Variants in EGF observed in about 807,000 individuals in gnomAD.
The protein encoded by EGF is pro-epidermal growth factor.
EGF carries 95 observed loss-of-function variants against 143.8 expected under a neutral mutation model. The observed-to-expected ratio is 0.66, with a 90% CI of 0.56 to 0.78. The LOEUF (loss-of-function observed/expected upper bound fraction) is 0.78, where lower values mean the gene tolerates loss of function less well. Ranked by LOEUF, EGF falls within the 30% of genes least tolerant of loss-of-function variation. EGF has a pLI of 0.00. For synonymous variants in EGF, 510 were observed against 510.5 expected, an observed-to-expected ratio of 1.00 and a Z score of 0.01; for missense variants, 1,320 against 1,470.9, an observed-to-expected ratio of 0.90 and a Z score of 1.68.
chr4:109,980,810 T>C lies in EGF; in HGVS notation c.2222-16T>C. ...TCTTCAAACCCACTTGTGAATTTGT[T>C]TCTTTTCTCTACTAGGAGCAGATCC... On this transcript the variant is annotated splice_polypyrimidine_tract_variant and intron_variant, in intron 14 of 23. Coordinates refer to ENST00000265171, the MANE Select transcript of EGF (RefSeq NM_001963.6). 6.2e-7 allele frequency: 1 copy of C among 1,614,004 alleles called. No homozygotes were observed. Among genetic ancestry groups the C allele is most frequent in the Non-Finnish European group, 8.5e-7 (1 of 1,179,890 alleles).
At position 109,943,874 on chromosome 4, in the gene EGF, G is replaced by T; in HGVS notation, c.542G>T (p.Ser181Ile). 1 of 1,614,190 alleles carries T rather than the reference G, an allele frequency of 6.2e-7. No homozygotes were observed. Among genetic ancestry groups the T allele is most frequent in the Non-Finnish European group, 8.5e-7 (1 of 1,180,036 alleles). ...FIFWSSEVAG[S>I]LYRADLDGVG... ...TTTTGGTCTTCAGAGGTGGCTGGAA[G>T]CCTTTATAGAGCAGATCTCGATGGT... The change falls in exon 4 of 24, where the codon AGC (serine) becomes ATC (isoleucine). Residue 181 changes from serine (S) to isoleucine (I), a missense_variant. Physicochemically the swap from Ser to Ile is moderately radical, Grantham distance 142. Around this residue, in one of 5 missense-constraint regions of EGF, gnomAD observed 1,186 missense variants for 1,313.7 expected, o/e 0.90. Coordinates refer to ENST00000265171, the MANE Select transcript of EGF (RefSeq NM_001963.6).
intron 1 of EGF, among the ~76,000 whole-genome samples, chr4:109,932,366 T>TATATATATATATATATATATATATATAG (rs1739886511): frequency 7.8e-6 from 1 of 128,400 alleles, no homozygotes; most frequent in Non-Finnish European, 1.6e-5. Flanking sequence ...TAGTCATATA[T>TATATATATATATATATATATATATATAG]ATATATATAT....
intron 1 of EGF, among the ~76,000 whole-genome samples, chr4:109,919,136 C>T (rs1737227170): frequency 6.6e-6 from 1 of 152,112 alleles, no homozygotes; most frequent in Admixed American, 6.6e-5. Context: ...TTTTGCTAAA[C>T]AAAAACAGTT....
At chr4:109,954,744 C>T (rs1465010247) in intron 5 of EGF, among the ~76,000 whole-genome samples, 2 of 152,104 alleles carry the variant, frequency 1.3e-5, no homozygotes, top group African/African-American at 2.4e-5. Context: ...TATAAACACA[C>T]ACACATAGAA....
chr4:109,931,200 A>G (rs983809104), intron 1 of EGF, among the ~76,000 whole-genome samples: 3 of 152,254 alleles, frequency 2.0e-5, no homozygotes, highest in Non-Finnish European at 2.9e-5. Context: ...ATAATGGCAA[A>G]TGATATACAT....
chr4:109,933,003 A>T (rs1183415712), intron 1 of EGF, among the ~76,000 whole-genome samples: 1 of 152,236 alleles, frequency 6.6e-6, no homozygotes, highest in African/African-American at 2.4e-5. Context: ...TGCACAACCT[A>T]TGTAGTGAAA....
chr4:109,973,660 T>G (rs1672170552), intron 11 of EGF, among the ~76,000 whole-genome samples: 1 of 148,990 alleles, frequency 6.7e-6, no homozygotes, highest in African/African-American at 2.5e-5. Context: ...CCAGTCCACC[T>G]AACCCTTTCT....
intron 1 of EGF, among the ~76,000 whole-genome samples, chr4:109,933,036 T>C (rs941769352): frequency 2.6e-5 from 4 of 152,220 alleles, no homozygotes; most frequent in African/African-American, 9.6e-5. Flanking sequence ...CAAAAAGCAA[T>C]GGCAAACGAT....
chr4:109,925,107 G>C (rs1423277005), intron 1 of EGF, among the ~76,000 whole-genome samples: 1 of 152,146 alleles, frequency 6.6e-6, no homozygotes, highest in Non-Finnish European at 1.5e-5. Flanking sequence ...CCTCTCTTGA[G>C]GTTTCTTACA....
chr4:109,964,581 C>T, intron 10 of EGF, 44 bp downstream of exon 10: 1 of 1,612,826 alleles, frequency 6.2e-7, no homozygotes, highest in Non-Finnish European at 8.5e-7. Context: ...GCTTTAAGGA[C>T]AGAGTAGAGG....
At chr4:109,955,010 C>T (rs988714500) in intron 5 of EGF, among the ~76,000 whole-genome samples, 4 of 152,172 alleles carry the variant, frequency 2.6e-5, no homozygotes, top group African/African-American at 9.7e-5. Context: ...TTAGTTATGA[C>T]TTCAGAATGA....
Position 109,914,073 on chromosome 4 carries a change from T to G in EGF, c.127+611T>G, listed in dbSNP as rs560163181. ...CTTTAAGAACTGCCAAATATGATAA[T>G]GGGTAAATAAGCCACACTGTCCTCT... On this transcript the variant is annotated intron_variant, in intron 1 of 23. Transcript: ENST00000265171. 8.5e-5 allele frequency among the ~76,000 whole-genome samples: 13 copies of G among 152,284 alleles called. No homozygotes were observed. In the East Asian group the frequency reaches 2.3e-3, roughly 27 times the overall value.
chr4:109,977,870 A>G (rs1390557185), intron 13 of EGF, among the ~76,000 whole-genome samples: 3 of 152,196 alleles, frequency 2.0e-5, no homozygotes, highest in Non-Finnish European at 2.9e-5. Flanking sequence ...TACATCACCC[A>G]AATAAATGTA....
intron 16 of EGF, among the ~76,000 whole-genome samples, chr4:109,984,623 T>C (rs1749870764): frequency 6.6e-6 from 1 of 152,082 alleles, no homozygotes; most frequent in Non-Finnish European, 1.5e-5. Flanking sequence ...ATAATACTGA[T>C]CTGTGTTCAG....
At chr4:110,000,049 C>T (rs529563373) in intron 21 of EGF, among the ~76,000 whole-genome samples, 4 of 152,156 alleles carry the variant, frequency 2.6e-5, no homozygotes, top group African/African-American at 9.6e-5. Flanking sequence ...GTCAGAAGTT[C>T]GAGACCAGCC....
intron 13 of EGF, 91 bp from the exon 14 acceptor site, chr4:109,979,881 G>T (rs1345145749): frequency 1.4e-6 from 2 of 1,474,758 alleles, no homozygotes; most frequent in Non-Finnish European, 1.9e-6. Flanking sequence ...TTTAGTGTAG[G>T]AATGTTGTGT....
intron 1 of EGF, among the ~76,000 whole-genome samples, chr4:109,917,433 C>G (rs1437637102): frequency 2.0e-5 from 3 of 151,816 alleles, no homozygotes; most frequent in African/African-American, 7.3e-5. Context: ...TTATGAAAAT[C>G]CATTTCAAAT....
chr4:109,946,575 G>A (rs1742901927), intron 5 of EGF, among the ~76,000 whole-genome samples: 2 of 152,022 alleles, frequency 1.3e-5, no homozygotes, highest in African/African-American at 2.4e-5. Context: ...ACCTTTCATT[G>A]AGCTCATCAC....
At chr4:109,966,214 C>G (rs1049693641) in intron 10 of EGF, among the ~76,000 whole-genome samples, 13 of 151,984 alleles carry the variant, frequency 8.6e-5, no homozygotes, top group African/African-American at 3.1e-4. Context: ...ACCCTCCCAC[C>G]CTTGCAGTCT....
Sources: allele counts gnomAD v4.1 joint callset (sites outside exome capture counted in the v4.1 genomes callset), GRCh38; gene constraint gnomAD v4.1.1; regional missense constraint gnomAD v4.1.1; transcripts MANE v1.5; gene names NCBI Gene and HGNC (gene_info 2026-07-23, HGNC 2026-07-21).